PCCA: variants seen among roughly 807,000 people sequenced by gnomAD.
The protein encoded by PCCA is propionyl-CoA carboxylase subunit alpha.
In PCCA, 74 loss-of-function variants were observed where a neutral mutation model predicts 101.3. That is an observed-to-expected ratio of 0.73 (90% CI 0.61 to 0.89). The LOEUF is 0.89. Among genes scored for constraint, PCCA ranks in the 40% least tolerant of loss-of-function variants. The pLI, the probability that PCCA is intolerant of heterozygous loss-of-function variation, is 0.00. For missense variants in PCCA, 891 were observed against 907.0 expected, an observed-to-expected ratio of 0.98 and a Z score of 0.23; for synonymous variants, 294 against 313.6, an observed-to-expected ratio of 0.94 and a Z score of 0.66.
At chr13:100,386,628 G>A (rs1437301966) in intron 19 of PCCA, among the ~76,000 whole-genome samples, 2 of 152,180 alleles carry the variant, frequency 1.3e-5, no homozygotes, top group African/African-American at 4.8e-5. Context: ...TGATCCACCC[G>A]CCTCGGCTTC....
chr13:100,266,766 G>T (rs538466944), intron 10 of PCCA, among the ~76,000 whole-genome samples: 169 of 152,268 alleles, frequency 1.1e-3, no homozygotes, highest in Non-Finnish European at 1.5e-3. Flanking sequence ...TTCTCAACCA[G>T]GGCACTACTG....
At chr13:100,293,706 A>G (rs1298188042) in intron 12 of PCCA, among the ~76,000 whole-genome samples, 2 of 152,230 alleles carry the variant, frequency 1.3e-5, no homozygotes, top group African/African-American at 4.8e-5. Flanking sequence ...CAGGCTGTTT[A>G]GAGTGAGCCA....
At chr13:100,237,092 A>G (rs1397560436) in intron 8 of PCCA, 1 of 152,202 alleles carries the variant, frequency 6.6e-6, no homozygotes, top group African/African-American at 2.4e-5. Context: ...TCTAGAGAGC[A>G]TTTGATTTGG....
In PCCA at chr13:100,340,405, A is replaced by G. The variant is rs558920312; in HGVS notation, c.1643+146A>G. 118 of 661,322 alleles carry G rather than the reference A, an allele frequency of 1.8e-4. 1 individual carries two copies. The highest frequency in any genetic ancestry group is 1.7e-3 in the South Asian group (102 of 59,782). The allele number at this position is 661,322 out of a possible 1,614,324, so 41.0% of individuals were successfully genotyped here. On this transcript the variant is annotated intron_variant, in intron 18 of 23. Transcript: ENST00000376285. ...GAGAAGTATAATAAAGTCACACTGT[A>G]TAAATATGATATTGCTTACATTTTG...
intron 1 of PCCA, among the ~76,000 whole-genome samples, chr13:100,093,435 G>C (rs962318318): frequency 2.0e-5 from 3 of 152,168 alleles, no homozygotes; most frequent in Non-Finnish European, 4.4e-5. Context: ...ACCAAACCTA[G>C]GAAAGAAATT....
chr13:100,120,147 G>A (rs952921695), intron 4 of PCCA, among the ~76,000 whole-genome samples: 10 of 150,650 alleles, frequency 6.6e-5, no homozygotes, highest in Non-Finnish European at 1.2e-4. Flanking sequence ...ACAGGTTTGA[G>A]CCACCATGCC....
chr13:100,418,954 C>G (rs1315134643), intron 19 of PCCA, among the ~76,000 whole-genome samples: 3 of 152,056 alleles, frequency 2.0e-5, no homozygotes, highest in Admixed American at 2.0e-4. Flanking sequence ...CCCCTTCTCT[C>G]TGCTCCATCC....
chr13:100,381,742 C>T (rs894233356), intron 19 of PCCA, among the ~76,000 whole-genome samples: 1 of 152,172 alleles, frequency 6.6e-6, no homozygotes, highest in Non-Finnish European at 1.5e-5. Flanking sequence ...AGCACACGAG[C>T]GAAGGAGGCG....
At chr13:100,161,510 G>A (rs544554945) in intron 6 of PCCA, 357 of 152,300 alleles carry the variant, frequency 2.3e-3, no homozygotes, top group African/African-American at 7.9e-3. Flanking sequence ...ATGTGTTATA[G>A]TTTAAAGTGT....
At chr13:100,445,184 C>T (rs930029871) in intron 20 of PCCA, among the ~76,000 whole-genome samples, 8 of 152,154 alleles carry the variant, frequency 5.3e-5, no homozygotes, top group South Asian at 2.1e-4. Flanking sequence ...AGCTTGAACT[C>T]GCCCTCAAAG....
intron 20 of PCCA, among the ~76,000 whole-genome samples, chr13:100,446,812 C>T (rs2152923359): frequency 6.6e-6 from 1 of 152,324 alleles, no homozygotes; most frequent in African/African-American, 2.4e-5. Flanking sequence ...TTTATGTGCA[C>T]TAATTCTAGA....
chr13:100,150,374 T>C, intron 4 of PCCA: 1 of 258,630 alleles, frequency 3.9e-6, no homozygotes, highest in East Asian at 1.1e-4. Context: ...ACATTTAAAT[T>C]TATTTTTTAT....
At chr13:100,310,412 T>G (rs1296211918) in intron 16 of PCCA, among the ~76,000 whole-genome samples, 2 of 152,224 alleles carry the variant, frequency 1.3e-5, no homozygotes, top group African/African-American at 4.8e-5. Context: ...ATTGAAATAC[T>G]AGATTTTGGT....
At chr13:100,323,591 C>T (rs2068309747) in intron 16 of PCCA, among the ~76,000 whole-genome samples, 2 of 151,842 alleles carry the variant, frequency 1.3e-5, no homozygotes, top group African/African-American at 4.8e-5. Context: ...GCTGGGATTA[C>T]AGGTGTGAGC....
intron 7 of PCCA, among the ~76,000 whole-genome samples, chr13:100,234,489 A>C (rs1004556918): frequency 2.0e-5 from 3 of 150,994 alleles, no homozygotes; most frequent in Non-Finnish European, 4.4e-5. Context: ...AAAAAAAAAA[A>C]CAACTTAAAA....
At chr13:100,337,703 A>G (rs1189318286) in intron 17 of PCCA, among the ~76,000 whole-genome samples, 1 of 152,212 alleles carries the variant, frequency 6.6e-6, no homozygotes, top group African/African-American at 2.4e-5. Context: ...GAGTCCATGC[A>G]CTAATAGTTG....
intron 4 of PCCA, among the ~76,000 whole-genome samples, chr13:100,151,726 CTTAGTG>C (rs989172266): frequency 4.6e-5 from 7 of 152,220 alleles, no homozygotes; most frequent in African/African-American, 1.2e-4. Context: ...ACAAACTATA[CTTAGTG>C]TTAGTATTTA....
chr13:100,428,508 C>T (rs374256248), intron 20 of PCCA, among the ~76,000 whole-genome samples: 15 of 151,948 alleles, frequency 9.9e-5, no homozygotes, highest in African/African-American at 1.9e-4. Context: ...AAACTTGGTC[C>T]GTGGCAGTCA....
At chr13:100,147,010 TAAAA>T (rs36028025) in intron 4 of PCCA, among the ~76,000 whole-genome samples, 1 of 140,986 alleles carries the variant, frequency 7.1e-6, no homozygotes, top group Non-Finnish European at 1.6e-5. Context: ...GGTAGAATTC[TAAAA>T]AAAAAAAAAA....
Sources: allele counts gnomAD v4.1 joint callset (sites outside exome capture counted in the v4.1 genomes callset), GRCh38; gene constraint gnomAD v4.1.1; transcripts MANE v1.5; gene names NCBI Gene and HGNC (gene_info 2026-07-23, HGNC 2026-07-21).